Variants in ASIC2 observed in about 807,000 individuals in gnomAD.
ASIC2 encodes acid sensing ion channel subunit 2, also known as acid-sensing ion channel 2.
ASIC2 carries 25 observed loss-of-function variants against 57.3 expected under a neutral mutation model. The observed-to-expected ratio is 0.44, with a 90% CI of 0.32 to 0.61. The LOEUF is 0.61. ASIC2 is among the 20% of genes least tolerant of loss of function. The pLI is 0.06. For missense variants in ASIC2, 641 were observed against 738.1 expected, an observed-to-expected ratio of 0.87 and a Z score of 1.52; for synonymous variants, 319 against 307.5, an observed-to-expected ratio of 1.04 and a Z score of -0.39.
chr17:33,918,380 C>T (rs1378311176), intron 1 of ASIC2, among the ~76,000 whole-genome samples: 1 of 152,088 alleles, frequency 6.6e-6, no homozygotes, highest in Non-Finnish European at 1.5e-5. Context: ...TTTATTTATC[C>T]TTGCATCCCC....
chr17:33,783,116 CTG>C (rs1911506953), intron 1 of ASIC2, among the ~76,000 whole-genome samples: 1 of 152,250 alleles, frequency 6.6e-6, no homozygotes, highest in Admixed American at 6.5e-5. Flanking sequence ...CATCACCACA[CTG>C]TGCAGTTTCC....
intron 1 of ASIC2, among the ~76,000 whole-genome samples, chr17:33,284,837 CA>C (rs1453906809): frequency 1.3e-5 from 2 of 152,150 alleles, no homozygotes; most frequent in Non-Finnish European, 2.9e-5. Context: ...GTACCCAATA[CA>C]AATCCTAGGC....
chr17:33,277,104 T>G (rs1904736094), intron 1 of ASIC2, among the ~76,000 whole-genome samples: 1 of 152,228 alleles, frequency 6.6e-6, no homozygotes, highest in Non-Finnish European at 1.5e-5. Flanking sequence ...CAGGTGACTC[T>G]CATGCACATA....
At chr17:33,724,769 A>T (rs1424065154) in intron 1 of ASIC2, among the ~76,000 whole-genome samples, 1 of 152,154 alleles carries the variant, frequency 6.6e-6, no homozygotes. Flanking sequence ...AATGTTCAAG[A>T]GGTGGTTGAC....
intron 1 of ASIC2, among the ~76,000 whole-genome samples, chr17:33,910,386 A>G (rs1339592641): frequency 6.6e-6 from 1 of 152,172 alleles, no homozygotes; most frequent in Non-Finnish European, 1.5e-5. Context: ...CAGCATAGCC[A>G]GGGAGCAAAC....
chr17:33,479,353 G>A (rs970964594), intron 1 of ASIC2, among the ~76,000 whole-genome samples: 2 of 152,136 alleles, frequency 1.3e-5, no homozygotes, highest in Admixed American at 6.6e-5. Flanking sequence ...TTGAGGGAAA[G>A]AGATTTTTTT....
At chr17:33,683,805 CT>C (rs1373983421) in intron 1 of ASIC2, among the ~76,000 whole-genome samples, 1 of 152,200 alleles carries the variant, frequency 6.6e-6, no homozygotes, top group East Asian at 1.9e-4. Context: ...GAGATTACCA[CT>C]GTGCCCCGTC....
chr17:33,763,628 C>T (rs1475924756), intron 1 of ASIC2, among the ~76,000 whole-genome samples: 1 of 152,162 alleles, frequency 6.6e-6, no homozygotes, highest in Non-Finnish European at 1.5e-5. Context: ...TGAGATGAGT[C>T]ACTACTGTGC....
chr17:33,661,161 C>G (rs541925286), intron 1 of ASIC2, among the ~76,000 whole-genome samples: 29 of 152,316 alleles, frequency 1.9e-4, no homozygotes, highest in Admixed American at 5.9e-4. Flanking sequence ...TTTGCCCCCT[C>G]TCTTGGCTGG....
intron 1 of ASIC2, among the ~76,000 whole-genome samples, chr17:33,854,729 C>A (rs1913869657): frequency 6.6e-6 from 1 of 152,088 alleles, no homozygotes; most frequent in Admixed American, 6.5e-5. Context: ...TGTGTGTGCA[C>A]AGCTGAGTCA....
chr17:33,370,566 G>A (rs149377713), intron 1 of ASIC2, among the ~76,000 whole-genome samples: 60 of 152,276 alleles, frequency 3.9e-4, no homozygotes, highest in African/African-American at 1.2e-3. Flanking sequence ...GACCCTGGCC[G>A]TCTCTGGAAG....
chr17:33,624,160 T>G (rs897983055), intron 1 of ASIC2: 1 of 152,190 alleles, frequency 6.6e-6, no homozygotes, highest in African/African-American at 2.4e-5. Flanking sequence ...TCTAGAATAT[T>G]TTTTCGAAAA....
At chr17:33,377,834 G>A (rs762125642) in intron 1 of ASIC2, among the ~76,000 whole-genome samples, 4 of 152,228 alleles carry the variant, frequency 2.6e-5, no homozygotes, top group Non-Finnish European at 5.9e-5. Flanking sequence ...CCTTGGTCAA[G>A]TCATTGCCCC....
intron 1 of ASIC2, among the ~76,000 whole-genome samples, chr17:33,183,955 C>T (rs1906087967): frequency 6.6e-6 from 1 of 152,182 alleles, no homozygotes; most frequent in Admixed American, 6.5e-5. Flanking sequence ...GCTTCGGTTT[C>T]CTCTTCAGAC....
intron 3 of ASIC2, among the ~76,000 whole-genome samples, chr17:33,052,648 G>T (rs563980787): frequency 5.3e-5 from 8 of 152,236 alleles, no homozygotes; most frequent in African/African-American, 1.4e-4. Context: ...GTCCCTGCTT[G>T]TTGGGGTCTT....
At chr17:33,310,360 C>G (rs1386930061) in intron 1 of ASIC2, among the ~76,000 whole-genome samples, 1 of 152,138 alleles carries the variant, frequency 6.6e-6, no homozygotes, top group Non-Finnish European at 1.5e-5. Context: ...CATAATTTGA[C>G]TAGATGACCT....
intron 1 of ASIC2, among the ~76,000 whole-genome samples, chr17:33,983,723 T>A (rs1197096145): frequency 6.6e-6 from 1 of 152,188 alleles, no homozygotes; most frequent in Non-Finnish European, 1.5e-5. Flanking sequence ...GCCCTCTGTA[T>A]GTCAGCGGCT....
At chr17:34,117,857 G>A (rs142650845) in intron 1 of ASIC2, among the ~76,000 whole-genome samples, 1 of 152,248 alleles carries the variant, frequency 6.6e-6, no homozygotes, top group Non-Finnish European at 1.5e-5. Flanking sequence ...ACAGATTCCA[G>A]GGGAGATTAG....
chr17:33,428,734 C>T (rs1370013782), intron 1 of ASIC2, among the ~76,000 whole-genome samples: 1 of 152,186 alleles, frequency 6.6e-6, no homozygotes, highest in East Asian at 1.9e-4. Flanking sequence ...GCCGGATGCC[C>T]ACTTCTCCAC....
Sources: gnomAD v4.1 joint callset for allele counts (sites outside exome capture counted in the v4.1 genomes callset) on GRCh38, gnomAD v4.1.1 for gene constraint, MANE v1.5 for transcripts, NCBI Gene and HGNC (gene_info 2026-07-23, HGNC 2026-07-21) for gene names.